The following RAPGEF2 variants were observed in gnomAD, a reference collection of about 807,000 sequenced individuals.
RAPGEF2 encodes the protein Rap guanine nucleotide exchange factor 2.
RAPGEF2 carries 54 observed loss-of-function variants against 186.7 expected under a neutral mutation model. That is an observed-to-expected ratio of 0.29 (90% CI 0.23 to 0.36). The LOEUF (loss-of-function observed/expected upper bound fraction) is 0.36. Ranked by LOEUF, RAPGEF2 falls within the 10% of genes least tolerant of loss-of-function variation. The pLI is 1.00. For synonymous variants in RAPGEF2, 712 were observed against 705.9 expected (o/e 1.01, Z -0.14); for missense variants, 1,532 against 2,045.0 (o/e 0.75, Z 4.84).
chr4:159,174,616 A>AAAAC (rs1746260787), intron 1 of RAPGEF2, among the ~76,000 whole-genome samples: 1 of 152,232 alleles, frequency 6.6e-6, no homozygotes, highest in Non-Finnish European at 1.5e-5. Flanking sequence ...TTTTCAGTGG[A>AAAAC]AAACACTTGA....
intron 3 of RAPGEF2, among the ~76,000 whole-genome samples, chr4:159,194,313 G>A (rs955092786): frequency 3.3e-5 from 5 of 152,208 alleles, no homozygotes; most frequent in African/African-American, 7.2e-5. Flanking sequence ...GGTCAAGAAC[G>A]TGTTGTTCAG....
chr4:159,154,111 T>C lies in RAPGEF2; in HGVS notation c.70-32531T>C, dbSNP rs917899688. On this transcript the variant is annotated intron_variant, in intron 1 of 29. Coordinates refer to ENST00000691494, the MANE Select transcript of RAPGEF2 (RefSeq NM_001394067.2). ...TGAATAGATGCTTTCTAAGGTCTTT[T>C]CTAGCTCTAGCATTTTATGATTCTA... Among the ~76,000 whole-genome samples the C allele has an allele frequency of 2.6e-5, 4 of 152,216 alleles. No homozygotes were observed. In the East Asian group the frequency reaches 5.8e-4, roughly 22 times the overall value.
At chr4:159,276,491 C>T (rs1336545439) in intron 7 of RAPGEF2, among the ~76,000 whole-genome samples, 1 of 152,136 alleles carries the variant, frequency 6.6e-6, no homozygotes, top group East Asian at 1.9e-4. Context: ...AGAGGGTACA[C>T]TTTGAATAGC....
At chr4:159,275,053 TC>T (rs1758656590) in intron 7 of RAPGEF2, among the ~76,000 whole-genome samples, 1 of 103,990 alleles carries the variant, frequency 9.6e-6, no homozygotes, top group Non-Finnish European at 2.0e-5. Flanking sequence ...TCTCTGTCTC[TC>T]GTGTGTGTGT....
chr4:159,150,525 G>A (rs1230226411), intron 1 of RAPGEF2, among the ~76,000 whole-genome samples: 1 of 152,156 alleles, frequency 6.6e-6, no homozygotes, highest in East Asian at 1.9e-4. Context: ...ATTTTAAACA[G>A]TGGAATCACC....
chr4:159,200,372 G>T (rs1749276374), intron 3 of RAPGEF2, among the ~76,000 whole-genome samples: 1 of 152,160 alleles, frequency 6.6e-6, no homozygotes, highest in Non-Finnish European at 1.5e-5. Flanking sequence ...GGAGGCTGAG[G>T]TGGGAAGGTC....
intron 24 of RAPGEF2, among the ~76,000 whole-genome samples, chr4:159,346,433 A>T (rs867341792): frequency 1.9e-4 from 29 of 152,220 alleles, no homozygotes; most frequent in African/African-American, 5.8e-4. Flanking sequence ...ATAGTGCCTG[A>T]TGACTTTTCT....
intron 3 of RAPGEF2, among the ~76,000 whole-genome samples, chr4:159,196,242 G>GT (rs1416807458): frequency 2.2e-4 from 34 of 152,078 alleles, no homozygotes; most frequent in Admixed American, 2.2e-3. Context: ...ACCAATTTGT[G>GT]TGAGTTCGGT....
At chr4:159,182,550 A>G (rs1747135149) in intron 1 of RAPGEF2, among the ~76,000 whole-genome samples, 1 of 151,674 alleles carries the variant, frequency 6.6e-6, no homozygotes, top group African/African-American at 2.4e-5. Flanking sequence ...CATATGCCAC[A>G]ACACCCAGCA....
At chr4:159,303,935 G>GTA (rs1762974600) in intron 7 of RAPGEF2, among the ~76,000 whole-genome samples, 2 of 152,086 alleles carry the variant, frequency 1.3e-5, no homozygotes, top group East Asian at 3.9e-4. Context: ...CATTATTTGG[G>GTA]TATAAACGTA....
chr4:159,284,395 C>G (rs1489586938), intron 7 of RAPGEF2, among the ~76,000 whole-genome samples: 1 of 151,694 alleles, frequency 6.6e-6, no homozygotes, highest in African/African-American at 2.4e-5. Context: ...AATTGAGCAC[C>G]TTAAGAATTT....
chr4:159,294,266 CA>C (rs1418483296), intron 7 of RAPGEF2, among the ~76,000 whole-genome samples: 2 of 152,176 alleles, frequency 1.3e-5, no homozygotes, highest in African/African-American at 4.8e-5. Context: ...TGACTTTAAA[CA>C]CTCATTTCCC....
intron 4 of RAPGEF2, among the ~76,000 whole-genome samples, chr4:159,218,556 G>T (rs1266730378): frequency 6.6e-6 from 1 of 152,092 alleles, no homozygotes; most frequent in African/African-American, 2.4e-5. Flanking sequence ...AGGAGTTCAA[G>T]AACAGCCTGG....
chr4:159,225,573 C>G (rs1751950441), intron 4 of RAPGEF2, among the ~76,000 whole-genome samples: 1 of 152,186 alleles, frequency 6.6e-6, no homozygotes, highest in South Asian at 2.1e-4. Flanking sequence ...CTGTTTTCCA[C>G]AGTGGCTATA....
chr4:159,336,270 C>G (rs1330680999), intron 17 of RAPGEF2, among the ~76,000 whole-genome samples: 1 of 151,918 alleles, frequency 6.6e-6, no homozygotes, highest in Admixed American at 6.6e-5. Context: ...ACCCATCACC[C>G]AAGTAGTATA....
intron 4 of RAPGEF2, among the ~76,000 whole-genome samples, chr4:159,229,089 A>C (rs896625609): frequency 5.9e-5 from 9 of 152,182 alleles, no homozygotes; most frequent in Non-Finnish European, 8.8e-5. Flanking sequence ...TAAGGAAGAA[A>C]ATAAAATGTA....
chr4:159,314,241 T>G (rs1158136430), intron 8 of RAPGEF2, among the ~76,000 whole-genome samples: 1 of 152,250 alleles, frequency 6.6e-6, no homozygotes, highest in Non-Finnish European at 1.5e-5. Context: ...TTGCTCAGAA[T>G]TGTCACCCTT....
chr4:159,207,796 A>G (rs994662208), intron 3 of RAPGEF2, among the ~76,000 whole-genome samples: 11 of 152,190 alleles, frequency 7.2e-5, no homozygotes, highest in Admixed American at 5.9e-4. Context: ...TTAGTGTTTC[A>G]CCATTTGTTA....
At chr4:159,246,545 C>T (rs1754647919) in intron 7 of RAPGEF2, among the ~76,000 whole-genome samples, 1 of 152,028 alleles carries the variant, frequency 6.6e-6, no homozygotes, top group Non-Finnish European at 1.5e-5. Flanking sequence ...AGTATTTCTC[C>T]TGAGATAGAG....
Sources: gnomAD v4.1 joint callset for allele counts (sites outside exome capture counted in the v4.1 genomes callset) on GRCh38, gnomAD v4.1.1 for gene constraint, MANE v1.5 for transcripts, NCBI Gene and HGNC (gene_info 2026-07-23, HGNC 2026-07-21) for gene names.